TMPRSS11F: variants seen among roughly 807,000 people sequenced by gnomAD.
TMPRSS11F encodes transmembrane serine protease 11F, also known as transmembrane protease serine 11F.
In TMPRSS11F, 47 loss-of-function variants were observed where a neutral mutation model predicts 60.2. The observed-to-expected ratio is 0.78, with a 90% CI of 0.62 to 1.00. TMPRSS11F has a LOEUF of 1.00. Among genes scored for constraint, TMPRSS11F ranks in the 50% least tolerant of loss-of-function variants. The probability of loss-of-function intolerance (pLI) is 0.00; values close to 1 mark genes in which losing one functional copy is unlikely to be tolerated. For synonymous variants in TMPRSS11F, 166 were observed against 167.3 expected (o/e 0.99, Z 0.06); for missense variants, 519 against 522.9 (o/e 0.99, Z 0.07).
intron 1 of TMPRSS11F, among the ~76,000 whole-genome samples, chr4:68,102,191 A>G (rs779834145): frequency 6.6e-6 from 1 of 152,088 alleles, no homozygotes; most frequent in Non-Finnish European, 1.5e-5. Flanking sequence ...TCCATTGTAT[A>G]TATTTACCAC....
intron 1 of TMPRSS11F, among the ~76,000 whole-genome samples, chr4:68,127,652 A>G (rs1337568734): frequency 1.3e-5 from 2 of 152,146 alleles, no homozygotes; most frequent in Non-Finnish European, 2.9e-5. Context: ...ATTAAAAAAT[A>G]TTTTTGACCA....
intron 1 of TMPRSS11F, among the ~76,000 whole-genome samples, chr4:68,103,887 G>C (rs1724245023): frequency 6.6e-6 from 1 of 151,708 alleles, no homozygotes; most frequent in Non-Finnish European, 1.5e-5. Context: ...TTTATCCTAG[G>C]TATATTACTT....
intron 8 of TMPRSS11F, chr4:68,063,187 A>G (rs1288674224): frequency 1.7e-6 from 1 of 599,122 alleles, no homozygotes; most frequent in Non-Finnish European, 3.3e-6. Context: ...GCTGACAAAA[A>G]CCCAACTGCC....
chr4:68,113,935 C>T (rs879393173), intron 1 of TMPRSS11F, among the ~76,000 whole-genome samples: 16 of 151,830 alleles, frequency 1.1e-4, no homozygotes, highest in Non-Finnish European at 1.2e-4. Flanking sequence ...GTATGTTCTT[C>T]GATTTTAAAA....
At chr4:68,068,572 A>T in intron 7 of TMPRSS11F, 46 bp downstream of exon 7, 1 of 1,522,882 alleles carries the variant, frequency 6.6e-7, no homozygotes, top group Non-Finnish European at 9.1e-7. Context: ...TCAGTGGCAG[A>T]TGAGGACTGT....
At position 68,064,966 on chromosome 4, in the gene TMPRSS11F, T is replaced by C. The variant is rs550194490; in HGVS notation, c.756-22A>G. 8.1e-6 allele frequency: 13 copies of C among 1,596,998 alleles called. No individual in the cohort carries two copies. In the East Asian group the frequency reaches 2.7e-4, roughly 33 times the overall value. On this transcript the variant is annotated intron_variant, in intron 7 of 9. Transcript: ENST00000356291. ...ATTTCTGCAAAAAATTAAAAAGTAA[T>C]ACTTGTGATGCTTGACTTAATTCTG...
intron 3 of TMPRSS11F, among the ~76,000 whole-genome samples, chr4:68,082,353 G>C (rs550665338): frequency 6.6e-6 from 1 of 152,296 alleles, no homozygotes; most frequent in South Asian, 2.1e-4. Context: ...GGTTTTGCAC[G>C]TGAGGCAGCT....
chr4:68,084,125 G>T (rs1723759477), intron 3 of TMPRSS11F, among the ~76,000 whole-genome samples: 1 of 151,912 alleles, frequency 6.6e-6, no homozygotes, highest in African/African-American at 2.4e-5. Context: ...AAAGAAAAAA[G>T]AAATTTTAAA....
In TMPRSS11F at chr4:68,129,059, A is replaced by G. The variant is rs530615938; in HGVS notation, c.11+751T>C. On this transcript the variant is annotated intron_variant, in intron 1 of 9. Transcript: ENST00000356291. ...GAACATGTGGGAAATTTGTGTCTGTAGAAAGATCGAGAACCTTTTTAAGAA... is the reference window on the plus strand; with the variant it reads ...GAACATGTGGGAAATTTGTGTCTGTGGAAAGATCGAGAACCTTTTTAAGAA... 7.9e-5 allele frequency among the ~76,000 whole-genome samples: 12 copies of G among 152,328 alleles called. No individual in the cohort carries two copies. In the East Asian group the frequency reaches 2.1e-3, roughly 27 times the overall value.
At chr4:68,128,072 T>C (rs920593192) in intron 1 of TMPRSS11F, among the ~76,000 whole-genome samples, 1 of 152,126 alleles carries the variant, frequency 6.6e-6, no homozygotes, top group Admixed American at 6.5e-5. Context: ...GATGGTACTC[T>C]TTCTACTTTA....
Position 68,064,753 on chromosome 4 carries a change from T to A in TMPRSS11F, c.947A>T (p.Asp316Val), listed in dbSNP as rs758855490. 3.5e-5 allele frequency: 56 copies of A among 1,614,010 alleles called. No homozygotes were observed. Among genetic ancestry groups the A allele is most frequent in the Non-Finnish European group, 4.7e-5 (55 of 1,180,008 alleles). ...SNIVQRVCLPDSSIKLPPKTS... is the reference protein window; with the variant it reads ...SNIVQRVCLPVSSIKLPPKTS... ...TTTAGGTGGCAACTTTATAGATGAG[T>A]CTGGGAGGCAAACTCTCTGGACTAT... The change falls in exon 8 of 10, where the codon GAC (aspartate) becomes GTC (valine). Residue 316 changes from aspartate (D) to valine (V), a missense_variant. Asp to Val is a radical substitution (Grantham distance 152). Coordinates refer to ENST00000356291, the MANE Select transcript of TMPRSS11F (RefSeq NM_207407.2).
chr4:68,122,955 C>T (rs1560413636), intron 1 of TMPRSS11F, among the ~76,000 whole-genome samples: 1 of 152,138 alleles, frequency 6.6e-6, no homozygotes, highest in Admixed American at 6.6e-5. Flanking sequence ...AGAACATAGT[C>T]ACAGTTGCCT....
At chr4:68,091,931 G>T (rs974162623) in intron 2 of TMPRSS11F, among the ~76,000 whole-genome samples, 1 of 151,608 alleles carries the variant, frequency 6.6e-6, no homozygotes, top group Non-Finnish European at 1.5e-5. Context: ...GGATTACAGG[G>T]GGACGCCACT....
intron 1 of TMPRSS11F, among the ~76,000 whole-genome samples, chr4:68,126,276 G>A (rs1724711030): frequency 6.6e-6 from 1 of 152,090 alleles, no homozygotes. Flanking sequence ...ATACATATGT[G>A]TATAATGTGC....
intron 1 of TMPRSS11F, among the ~76,000 whole-genome samples, chr4:68,101,772 G>C (rs1724195303): frequency 6.6e-6 from 1 of 152,028 alleles, no homozygotes; most frequent in South Asian, 2.1e-4. Context: ...TAGTTCAGAG[G>C]TTTCTATAGT....
At chr4:68,069,894 T>A (rs1723415563) in intron 6 of TMPRSS11F, 75 bp downstream of exon 6, 1 of 1,274,572 alleles carries the variant, frequency 7.8e-7, no homozygotes. Context: ...TAAACTTTAC[T>A]GCCAACTTTT....
intron 3 of TMPRSS11F, among the ~76,000 whole-genome samples, chr4:68,086,619 T>C (rs560852216): frequency 6.6e-6 from 1 of 151,948 alleles, no homozygotes; most frequent in Admixed American, 6.6e-5. Context: ...ACAAGACTGA[T>C]AGCTACCTAA....
rs543233000 is a variant in TMPRSS11F at position 68,097,664 on chromosome 4, A to C, written c.163+1223T>G. On this transcript the variant is annotated intron_variant, in intron 2 of 9. Coordinates refer to ENST00000356291, the MANE Select transcript of TMPRSS11F (RefSeq NM_207407.2). ...CTATGACAACCTCTAAGATTTTTTT[A>C]ATGGCTAAAATGCTTTTTTTGTCAT... is the stretch of plus-strand genomic sequence containing the variant. Among the ~76,000 whole-genome samples the C allele has an allele frequency of 2.6e-5, 4 of 152,240 alleles. No homozygotes were observed. In the South Asian group the frequency reaches 8.3e-4, roughly 32 times the overall value.
intron 3 of TMPRSS11F, among the ~76,000 whole-genome samples, chr4:68,074,980 T>C (rs1167948379): frequency 6.6e-6 from 1 of 152,002 alleles, no homozygotes; most frequent in African/African-American, 2.4e-5. Context: ...TCAAAATAAA[T>C]AATAAATAGA....
Sources: allele counts gnomAD v4.1 joint callset (sites outside exome capture counted in the v4.1 genomes callset), GRCh38; gene constraint gnomAD v4.1.1; transcripts MANE v1.5; gene names NCBI Gene and HGNC (gene_info 2026-07-23, HGNC 2026-07-21).